CNST: variants seen among roughly 807,000 people sequenced by gnomAD.
CNST encodes the protein consortin, connexin sorting protein, also known as consortin.
A neutral mutation model predicts 72.4 loss-of-function variants in CNST; 39 were observed. The observed-to-expected ratio is 0.54, with a 90% CI of 0.42 to 0.70. CNST has a LOEUF of 0.70. Among genes scored for constraint, CNST ranks in the 30% least tolerant of loss-of-function variants. The probability of loss-of-function intolerance (pLI) is 0.00; values close to 1 mark genes in which losing one functional copy is unlikely to be tolerated. For missense variants in CNST, 871 were observed against 868.5 expected, an observed-to-expected ratio of 1.00 and a Z score of -0.04; for synonymous variants, 332 against 320.1, an observed-to-expected ratio of 1.04 and a Z score of -0.40.
At chr1:246,627,579 A>G (rs1409868965) in intron 3 of CNST, among the ~76,000 whole-genome samples, 1 of 152,222 alleles carries the variant, frequency 6.6e-6, no homozygotes, top group African/African-American at 2.4e-5. Context: ...TTAAGATGAC[A>G]GCTGTATGCC....
intron 10 of CNST, among the ~76,000 whole-genome samples, chr1:246,664,678 A>T (rs12074274): frequency 6.6e-6 from 1 of 151,424 alleles, no homozygotes; most frequent in East Asian, 2.0e-4. Flanking sequence ...CGCCCGCCTC[A>T]GCCTCCCAAA....
intron 9 of CNST, among the ~76,000 whole-genome samples, chr1:246,649,161 G>T (rs11590915): frequency 0.21 from 28,241 of 133,782 alleles, 3,127 homozygotes; most frequent in Admixed American, 0.24. Flanking sequence ...CTGTTGTTTT[G>T]TTTTTTTTTT....
At chr1:246,638,756 G>A (rs1665479333) in intron 6 of CNST, among the ~76,000 whole-genome samples, 1 of 152,164 alleles carries the variant, frequency 6.6e-6, no homozygotes, top group Admixed American at 6.6e-5. Flanking sequence ...TCTGGAAGGG[G>A]TTGATCTGTT....
intron 2 of CNST, among the ~76,000 whole-genome samples, chr1:246,614,231 A>G (rs1175826945): frequency 6.6e-6 from 1 of 152,178 alleles, no homozygotes; most frequent in African/African-American, 2.4e-5. Context: ...CACCCTGTGT[A>G]TAGAGACTGA....
At chr1:246,662,621 C>T (rs1480236130) in intron 10 of CNST, among the ~76,000 whole-genome samples, 1 of 152,176 alleles carries the variant, frequency 6.6e-6, no homozygotes, top group African/African-American at 2.4e-5. Flanking sequence ...GAACTCCTGA[C>T]CTCAGGTGAT....
chr1:246,621,815 C>G (rs568147456), intron 3 of CNST, among the ~76,000 whole-genome samples, 181 bp downstream of exon 3: 1 of 151,928 alleles, frequency 6.6e-6, no homozygotes, highest in Non-Finnish European at 1.5e-5. Context: ...GGCAACATGG[C>G]GAAACCCCAT....
At chr1:246,600,277 G>A (rs1662184041) in intron 2 of CNST, among the ~76,000 whole-genome samples, 1 of 152,240 alleles carries the variant, frequency 6.6e-6, no homozygotes, top group Non-Finnish European at 1.5e-5. Flanking sequence ...TAGAGAGATG[G>A]AGGCTTAGAA....
intron 9 of CNST, 104 bp downstream of exon 9, chr1:246,648,141 A>C: frequency 6.8e-7 from 1 of 1,463,614 alleles, no homozygotes; most frequent in Non-Finnish European, 9.0e-7. Flanking sequence ...TGTCTCAAAC[A>C]TGAGGGAAAA....
At chr1:246,602,354 T>C (rs529724691) in intron 2 of CNST, among the ~76,000 whole-genome samples, 11 of 152,260 alleles carry the variant, frequency 7.2e-5, no homozygotes, top group African/African-American at 2.6e-4. Context: ...CTGACTTAAG[T>C]CTCTTATGAG....
intron 9 of CNST, among the ~76,000 whole-genome samples, chr1:246,658,877 G>A (rs1279199688): frequency 1.3e-5 from 2 of 152,170 alleles, no homozygotes; most frequent in Non-Finnish European, 2.9e-5. Flanking sequence ...AGGGGCCTTC[G>A]GCAAGGCCTC....
At chr1:246,574,099 G>A (rs1660228941) in intron 1 of CNST, among the ~76,000 whole-genome samples, 1 of 152,164 alleles carries the variant, frequency 6.6e-6, no homozygotes, top group Non-Finnish European at 1.5e-5. Context: ...GAGTGCAGTG[G>A]CGTGATCTCA....
intron 1 of CNST, among the ~76,000 whole-genome samples, chr1:246,567,034 T>TC (rs937012509): frequency 9.7e-5 from 14 of 144,032 alleles, no homozygotes; most frequent in South Asian, 2.4e-4. Context: ...GGTTTTCATT[T>TC]CCCCCCCACA....
chr1:246,575,743 A>G (rs1475474354), intron 1 of CNST, among the ~76,000 whole-genome samples: 1 of 152,222 alleles, frequency 6.6e-6, no homozygotes, highest in Admixed American at 6.5e-5. Flanking sequence ...ATATGTCGAT[A>G]AAGGTGTCAT....
chr1:246,610,282 AAAAC>A (rs137969233), intron 2 of CNST, among the ~76,000 whole-genome samples: 5,317 of 152,272 alleles, frequency 0.035, 272 homozygotes, highest in African/African-American at 0.11. Flanking sequence ...CTCCGTCGCA[AAAAC>A]AAACAAACAA....
At chr1:246,654,337 C>A (rs187922543) in intron 9 of CNST, among the ~76,000 whole-genome samples, 1 of 152,222 alleles carries the variant, frequency 6.6e-6, no homozygotes, top group Non-Finnish European at 1.5e-5. Flanking sequence ...TCCCAGCCCT[C>A]CACATCTAGG....
At position 246,647,626 on chromosome 1, in the gene CNST, A is replaced by G. The variant is rs146548643; in HGVS notation, c.1425A>G (p.Gln475=). 5 of 1,614,178 alleles carry G rather than the reference A, an allele frequency of 3.1e-6. No homozygotes were observed. Among genetic ancestry groups the G allele is most frequent in the Non-Finnish European group, 4.2e-6 (5 of 1,180,032 alleles). The part of the protein sequence containing the change: ...RDASEALPTD[Q]LENNELNELQ... Reference sequence around the variant, plus strand: ...CTTCTGAGGCGTTGCCCACAGACCAACTTGAGAACAATGAATTAAATGAGC... The same window carrying G: ...CTTCTGAGGCGTTGCCCACAGACCAGCTTGAGAACAATGAATTAAATGAGC... The change falls in exon 9 of 11, where the codon CAA becomes CAG. Residue 475 remains glutamine (Q), a synonymous_variant. Transcript: ENST00000366513.
In CNST at chr1:246,661,618, A is replaced by G. The variant is rs117687143; in HGVS notation, c.1972+1284A>G. On this transcript the variant is annotated intron_variant, in intron 10 of 10. Transcript: ENST00000366513. Reference sequence around the variant, plus strand: ...TGACTTGGTCTAACATGAGGTGGTGAGTTTTGTAGTGAACAATGCTGCCTT... The same window carrying G: ...TGACTTGGTCTAACATGAGGTGGTGGGTTTTGTAGTGAACAATGCTGCCTT... Among the ~76,000 whole-genome samples, 39 of 152,330 alleles carry G rather than the reference A, an allele frequency of 2.6e-4. No individual in the cohort carries two copies. In the East Asian group the frequency reaches 6.8e-3, roughly 26 times the overall value.
intron 4 of CNST, 122 bp from the exon 5 acceptor site, chr1:246,633,798 AATAT>A: frequency 1.7e-6 from 1 of 590,970 alleles, no homozygotes; most frequent in Middle Eastern, 3.7e-4. Flanking sequence ...TAAATTTAAA[AATAT>A]TTAGAGTCCT....
At chr1:246,639,194 A>T (rs1665514552) in intron 6 of CNST, among the ~76,000 whole-genome samples, 1 of 151,958 alleles carries the variant, frequency 6.6e-6, no homozygotes, top group African/African-American at 2.4e-5. Context: ...GTTCGTCGGG[A>T]TAGAGAGAAA....
Sources: gnomAD v4.1 joint callset for allele counts (sites outside exome capture counted in the v4.1 genomes callset) on GRCh38, gnomAD v4.1.1 for gene constraint, MANE v1.5 for transcripts, NCBI Gene and HGNC (gene_info 2026-07-23, HGNC 2026-07-21) for gene names.